Variants in SAPCD2 observed in about 807,000 individuals in gnomAD.
SAPCD2 encodes suppressor APC domain containing 2, also known as suppressor APC domain-containing protein 2.
Under a neutral mutation model 37.8 loss-of-function variants are expected in SAPCD2, and 34 were observed. The ratio of observed to expected loss-of-function variants is 0.90; its 90% confidence interval spans 0.68 to 1.20. The LOEUF is 1.20. SAPCD2 is among the 50% of genes most tolerant of loss of function. The probability of loss-of-function intolerance (pLI) is 0.00; values close to 1 mark genes in which losing one functional copy is unlikely to be tolerated. For synonymous variants in SAPCD2, 275 were observed against 270.3 expected (o/e 1.02, Z -0.17); for missense variants, 572 against 584.7 (o/e 0.98, Z 0.22).
At chr9:137,067,542 CGGGG>C in intron 1 of SAPCD2, among the ~76,000 whole-genome samples, 1 of 149,002 alleles carries the variant, frequency 6.7e-6, no homozygotes, top group Admixed American at 6.7e-5. Context: ...GAAGCTGGGG[CGGGG>C]GGGGATCAGT....
chr9:137,067,153 A>G (rs978893628), intron 1 of SAPCD2, among the ~76,000 whole-genome samples: 3 of 151,844 alleles, frequency 2.0e-5, no homozygotes, highest in Non-Finnish European at 4.4e-5. Context: ...ATGCCCAGCT[A>G]CTTTTTGTAT....
chr9:137,065,607 A>G lies in SAPCD2; in HGVS notation c.746T>C (p.Met249Thr). 1.2e-6 allele frequency: 2 copies of G among 1,610,344 alleles called. No homozygotes were observed. Among genetic ancestry groups the G allele is most frequent in the Non-Finnish European group, 1.7e-6 (2 of 1,178,178 alleles). The change falls in exon 3 of 6, where the codon ATG becomes ACG. Residue 249 changes from methionine (M) to threonine (T), a missense_variant. Transcript: ENST00000409687. ...CTGGTACCAGTCGCGGCCCCGCGCC[A>G]TCATCTCCAAACCCTGCAGCAGCAC... ...KEVLLQGLEM[M>T]ARGRDWYQQQ...
chr9:137,070,273 T>C lies in SAPCD2; in HGVS notation c.188A>G (p.Glu63Gly). ...GCCCTCCAGCACCCCGCGGGGCAGC[T>C]CCCGCGCGTCGGTGCCCTGCCAGCG... ...ESRWQGTDAR[E>G]LPRGVLEGLR... The change falls in exon 1 of 6, where the codon GAG (glutamate) becomes GGG (glycine). Residue 63 changes from glutamate (E) to glycine (G), a missense_variant. Coordinates refer to ENST00000409687, the MANE Select transcript of SAPCD2 (RefSeq NM_178448.4). 1 of 1,455,828 alleles carries C rather than the reference T, an allele frequency of 6.9e-7. No homozygotes were observed. The highest frequency in any genetic ancestry group is 1.3e-5 in the South Asian group (1 of 76,616). The allele number at this position is 1,455,828 out of a possible 1,614,324, so 90.2% of individuals were successfully genotyped here.
chr9:137,065,870 C>T (rs901113532), intron 2 of SAPCD2, among the ~76,000 whole-genome samples: 1 of 152,204 alleles, frequency 6.6e-6, no homozygotes, highest in African/African-American at 2.4e-5. Context: ...GGAGCAGGAG[C>T]CCCGTTCCTC....
At chr9:137,066,189 C>T (rs958813794) in intron 2 of SAPCD2, 73 bp downstream of exon 2, 3 of 1,207,320 alleles carry the variant, frequency 2.5e-6, no homozygotes, top group East Asian at 2.5e-5. Flanking sequence ...GGCTCAAGGC[C>T]CCCCTGCTCC....
rs1832597377 is a variant in SAPCD2 at position 137,069,774 on chromosome 9, G to C, written c.571+116C>G. 4.0e-6 allele frequency: 3 copies of C among 743,458 alleles called. No individual in the cohort carries two copies. The East Asian group carries it at 1.1e-4, about 27-fold the overall frequency. 46.1% of individuals were successfully genotyped at this position (743,458 alleles called of 1,614,324 possible). ...CTCCAGGATCCGGAGTCCACGAAGA[G>C]CCGCTCCCCGGTCCCGTCCCTTGTG... is the stretch of plus-strand genomic sequence containing the variant. On this transcript the variant is annotated intron_variant, in intron 1 of 5. Coordinates refer to ENST00000409687, the MANE Select transcript of SAPCD2 (RefSeq NM_178448.4).
Position 137,064,765 on chromosome 9 carries a change from C to T in SAPCD2, c.1079G>A (p.Arg360His), listed in dbSNP as rs1335827498. ...LTQEVTEKSE[R>H]ITQLEQEKSA... ...CTTCTCCTGCTCCAGCTGCGTGATG[C>T]GCTCACTCTTCTCGGTCACCTCCTG... Residue 360 changes from arginine (R) to histidine (H), a missense_variant, in exon 6 of 6, where the codon CGC (arginine) becomes CAC (histidine). Physicochemically the swap from Arg to His is conservative, Grantham distance 29. Coordinates refer to ENST00000409687, the MANE Select transcript of SAPCD2 (RefSeq NM_178448.4). The T allele has an allele frequency of 8.2e-6, 13 of 1,594,236 alleles. No homozygotes were observed. The highest frequency in any genetic ancestry group is 6.8e-5 in the South Asian group (6 of 88,240).
chr9:137,066,156 T>C, intron 2 of SAPCD2, 106 bp downstream of exon 2: 1 of 868,400 alleles, frequency 1.2e-6, no homozygotes, highest in Non-Finnish European at 1.8e-6. Context: ...GAGCTGACTG[T>C]ACTTCCGCCA....
intron 5 of SAPCD2, 31 bp downstream of exon 5, chr9:137,064,832 C>T (rs776351064): frequency 1.1e-5 from 17 of 1,575,512 alleles, no homozygotes; most frequent in Admixed American, 1.8e-5. Flanking sequence ...GCCTCACCCC[C>T]ACCCCTGCAC....
chr9:137,066,364 C>T lies in SAPCD2; in HGVS notation c.582G>A (p.Ala194=), dbSNP rs201774279. Residue 194 remains alanine (A), a synonymous_variant, in exon 2 of 6, where the codon GCG becomes GCA. Coordinates refer to ENST00000409687, the MANE Select transcript of SAPCD2 (RefSeq NM_178448.4). ...CTGAGTCCGCCTCCAGGGCCCTGCA[C>T]GCCACTGCACCTGTTATGGAGAGGC... ...PSSSADAGAV[A]CRALEADSGD... 1.7e-4 allele frequency: 267 copies of T among 1,602,400 alleles called. 1 individual carries two copies. The East Asian group carries it at 4.0e-3, about 24-fold the overall frequency.
rs1258498561 is a variant in SAPCD2 at position 137,062,635 on chromosome 9, C to T, written c.*2024G>A. 6.6e-6 allele frequency: 1 copy of T among 152,260 alleles called. No individual in the cohort carries two copies. Among genetic ancestry groups the T allele is most frequent in the African/African-American group, 2.4e-5 (1 of 41,468 alleles). 9.4% of individuals were successfully genotyped at this position (152,260 alleles called of 1,614,324 possible). On this transcript the variant is annotated 3_prime_UTR_variant, in exon 6 of 6. Coordinates refer to ENST00000409687, the MANE Select transcript of SAPCD2 (RefSeq NM_178448.4). ...GCGGATAGAGCCCAGGGACGCTGCTCACATCCTGCACGGAGACTGACCCGC... is the reference window on the plus strand; with the variant it reads ...GCGGATAGAGCCCAGGGACGCTGCTTACATCCTGCACGGAGACTGACCCGC...
At chr9:137,066,964 C>T (rs563952863) in intron 1 of SAPCD2, among the ~76,000 whole-genome samples, 9 of 152,246 alleles carry the variant, frequency 5.9e-5, no homozygotes, top group African/African-American at 2.2e-4. Flanking sequence ...TGAGACCAGC[C>T]TGGGCAACAT....
intron 2 of SAPCD2, 79 bp downstream of exon 2, chr9:137,066,183 C>T: frequency 8.7e-7 from 1 of 1,143,150 alleles, no homozygotes; most frequent in Non-Finnish European, 1.3e-6. Context: ...CCCCCAGGCT[C>T]AAGGCCCCCC....
chr9:137,068,701 C>G (rs762534230), intron 1 of SAPCD2, among the ~76,000 whole-genome samples: 8 of 152,228 alleles, frequency 5.3e-5, no homozygotes, highest in Non-Finnish European at 1.0e-4. Flanking sequence ...AGATGTGGTA[C>G]GTGAGCCAGT....
intron 1 of SAPCD2, among the ~76,000 whole-genome samples, chr9:137,069,551 G>A (rs1002652716): frequency 6.6e-6 from 1 of 152,220 alleles, no homozygotes; most frequent in African/African-American, 2.4e-5. Flanking sequence ...GGTGCGGAAA[G>A]GGTATTGGAG....
rs1832520561 is a variant in SAPCD2 at position 137,064,887 on chromosome 9, C to T, written c.1032G>A (p.Lys344=). The T allele has an allele frequency of 5.1e-6, 8 of 1,562,834 alleles. No homozygotes were observed. Among genetic ancestry groups the T allele is most frequent in the Non-Finnish European group, 6.1e-6 (7 of 1,153,792 alleles). ...CCTGGGTGAGGAGTCGGTTCTGCTC[C>T]TTCAGCATGAGGATGGTCTGCTGCT... ...VWQQQTILML[K]EQNRLLTQEV... is the part of the protein sequence containing the mutation. The change falls in exon 5 of 6, where the codon AAG becomes AAA. Residue 344 remains lysine, a synonymous_variant. Transcript: ENST00000409687.
chr9:137,064,379 A>G lies in SAPCD2; in HGVS notation c.*280T>C. 1.9e-6 allele frequency: 1 copy of G among 524,272 alleles called. No homozygotes were observed. The highest frequency in any genetic ancestry group is 3.5e-6 in the Non-Finnish European group (1 of 289,614). 32.5% of individuals were successfully genotyped at this position (524,272 alleles called of 1,614,324 possible). A position where few individuals can be genotyped will look rare whatever the true frequency, so the allele number is the denominator to read the frequency against. On this transcript the variant is annotated 3_prime_UTR_variant, in exon 6 of 6. Coordinates refer to ENST00000409687, the MANE Select transcript of SAPCD2 (RefSeq NM_178448.4). ...CTCATGGAGGGGTACCCCACTGTCC[A>G]CTGACAGCGGCAGTAGTAGCTGCGG...
At position 137,064,971 on chromosome 9, in the gene SAPCD2, G is replaced by A; in HGVS notation, c.948C>T (p.Pro316=). The change falls in exon 5 of 6, where the codon CCC becomes CCT. Residue 316 remains proline, a synonymous_variant. Transcript: ENST00000409687. ...GGCAGGGGGGCCCGGAGGAGGACGG[G>A]GGCAGGGCCTGCGGGAGGGCAGGAT... ...LAAACASRAL[P]PSSSGPPCPA... 5 of 1,527,292 alleles carry A rather than the reference G, an allele frequency of 3.3e-6. No individual in the cohort carries two copies. Among genetic ancestry groups the A allele is most frequent in the South Asian group, 1.2e-5 (1 of 83,540 alleles). 94.6% of individuals were successfully genotyped at this position (1,527,292 alleles called of 1,614,324 possible).
intron 4 of SAPCD2, 48 bp from the exon 5 acceptor site, chr9:137,065,027 C>A: frequency 6.7e-7 from 1 of 1,497,602 alleles, no homozygotes; most frequent in Non-Finnish European, 9.0e-7. Flanking sequence ...CGGGGAAGCA[C>A]TAAACTGGCC....
Sources: allele counts gnomAD v4.1 joint callset (sites outside exome capture counted in the v4.1 genomes callset), GRCh38; gene constraint gnomAD v4.1.1; transcripts MANE v1.5; gene names NCBI Gene and HGNC (gene_info 2026-07-23, HGNC 2026-07-21).